Variants in FMO3 observed in about 807,000 individuals in gnomAD.
FMO3 encodes the protein flavin-containing monooxygenase 3.
FMO3 carries 40 observed loss-of-function variants against 39.4 expected under a neutral mutation model. The observed-to-expected ratio is 1.02, with a 90% CI of 0.79 to 1.32. FMO3 has a LOEUF of 1.32. Among genes scored for constraint, FMO3 ranks in the 40% most tolerant of loss-of-function variants. The pLI is 0.00. For missense variants in FMO3, 680 were observed against 651.8 expected, an observed-to-expected ratio of 1.04 and a Z score of -0.47; for synonymous variants, 219 against 228.8, an observed-to-expected ratio of 0.96 and a Z score of 0.39.
At chr1:171,106,013 CTCT>C (rs1304796343) in intron 3 of FMO3, among the ~76,000 whole-genome samples, 2 of 152,000 alleles carry the variant, frequency 1.3e-5, no homozygotes, top group Non-Finnish European at 2.9e-5. Context: ...AACTTTCCAA[CTCT>C]TATTATAAAA....
intron 3 of FMO3, 38 bp from the exon 4 acceptor site, chr1:171,107,627 CCATTTGCTAG>C: frequency 6.5e-7 from 1 of 1,544,464 alleles, no homozygotes; most frequent in Non-Finnish European, 8.9e-7. Flanking sequence ...TCTGCCAAAA[CCATTTGCTAG>C]CATAGAAAAG....
chr1:171,109,006 T>C (rs914329768), intron 5 of FMO3, among the ~76,000 whole-genome samples: 1 of 152,208 alleles, frequency 6.6e-6, no homozygotes, highest in African/African-American at 2.4e-5. Context: ...ATTGTATATT[T>C]TACTATTGTA....
chr1:171,096,025 A>ATATATTAATATATAATATATATT (rs1491256935), intron 2 of FMO3, among the ~76,000 whole-genome samples: 4 of 45,968 alleles, frequency 8.7e-5, no homozygotes, highest in African/African-American at 2.9e-4. Flanking sequence ...ATTATATATT[A>ATATATTAATATATAATATATATT]ATATATAATA....
chr1:171,097,584 G>A (rs1307258533), intron 2 of FMO3, among the ~76,000 whole-genome samples: 2 of 139,858 alleles, frequency 1.4e-5, no homozygotes, highest in Non-Finnish European at 3.0e-5. Context: ...CTGCATAAAT[G>A]TCTTCTTTTG....
chr1:171,091,389 T>G (rs1468938785), intron 1 of FMO3, among the ~76,000 whole-genome samples: 1 of 152,038 alleles, frequency 6.6e-6, no homozygotes, highest in Non-Finnish European at 1.5e-5. Context: ...CGGATCATGA[T>G]GTTTAATCAT....
chr1:171,092,128 C>T (rs561714465), intron 1 of FMO3, among the ~76,000 whole-genome samples: 2 of 152,118 alleles, frequency 1.3e-5, no homozygotes, highest in Non-Finnish European at 2.9e-5. Context: ...TTTTGGAGAG[C>T]TGATGACTAA....
At chr1:171,107,306 A>G (rs1655687218) in intron 3 of FMO3, among the ~76,000 whole-genome samples, 1 of 152,206 alleles carries the variant, frequency 6.6e-6, no homozygotes, top group Non-Finnish European at 1.5e-5. Flanking sequence ...CAGTACATCT[A>G]TCTTTGAGTT....
chr1:171,101,858 G>A, intron 2 of FMO3: 1 of 410,536 alleles, frequency 2.4e-6, no homozygotes, highest in South Asian at 1.8e-5. Context: ...ATGAATTTTT[G>A]CATGAAGTTT....
intron 2 of FMO3, among the ~76,000 whole-genome samples, chr1:171,096,450 TAA>T (rs555338175): frequency 0.011 from 1,071 of 100,084 alleles, 3 homozygotes; most frequent in South Asian, 0.037. Flanking sequence ...TTTTATATAT[TAA>T]ATATATATTA....
At chr1:171,096,289 T>TATG (rs570622020) in intron 2 of FMO3, among the ~76,000 whole-genome samples, 6 of 87,988 alleles carry the variant, frequency 6.8e-5, no homozygotes, top group African/African-American at 2.9e-4. Flanking sequence ...ATATATTATA[T>TATG]ATCTATTATA....
At position 171,093,286 on chromosome 1, in the gene FMO3, C is replaced by G. The variant is rs28745578; in HGVS notation, c.132+496C>G. ...CCTCAACCGCCTCCCACTCTCCTAC[C>G]CTTCCAAGTCTCCAATGTCTATTAT... On this transcript the variant is annotated intron_variant, in intron 2 of 8. Coordinates refer to ENST00000367755, the MANE Select transcript of FMO3 (RefSeq NM_001002294.3). 2.0e-5 allele frequency among the ~76,000 whole-genome samples: 3 copies of G among 152,184 alleles called. No individual in the cohort carries two copies. In the East Asian group the frequency reaches 5.8e-4, roughly 29 times the overall value.
intron 5 of FMO3, 78 bp from the exon 6 acceptor site, chr1:171,110,720 A>C (rs1387764665): frequency 7.6e-7 from 1 of 1,315,608 alleles, no homozygotes; most frequent in Non-Finnish European, 1.1e-6. Context: ...TCCATTCCTC[A>C]AGAGGGATCT....
chr1:171,112,882 A>C (rs1049102263), intron 6 of FMO3, among the ~76,000 whole-genome samples: 1 of 152,210 alleles, frequency 6.6e-6, no homozygotes, highest in Non-Finnish European at 1.5e-5. Context: ...GAAGAGGAGA[A>C]GACATCTGTG....
chr1:171,111,655 G>A (rs139495809), intron 6 of FMO3, among the ~76,000 whole-genome samples: 15 of 151,890 alleles, frequency 9.9e-5, no homozygotes, highest in African/African-American at 2.4e-4. Flanking sequence ...CTCCTATAAC[G>A]TCCTCCAAGC....
At chr1:171,099,453 T>A (rs1655257049) in intron 2 of FMO3, among the ~76,000 whole-genome samples, 1 of 152,204 alleles carries the variant, frequency 6.6e-6, no homozygotes, top group Non-Finnish European at 1.5e-5. Context: ...TAGGGCTTTT[T>A]GGTTGTTGTT....
At chr1:171,101,079 G>A in intron 2 of FMO3, 1 of 456,088 alleles carries the variant, frequency 2.2e-6, no homozygotes, top group Non-Finnish European at 4.4e-6. Context: ...ATGATGGCCA[G>A]AGGAGCCATG....
rs1489360336 is a variant in FMO3, at chr1:171,096,683, AATAT to A, written c.132+3895_132+3898del. Among the ~76,000 whole-genome samples, 11 of 136,804 alleles carry A rather than the reference AATAT, an allele frequency of 8.0e-5. No individual in the cohort carries two copies. The East Asian group carries it at 2.4e-3, about 30-fold the overall frequency. 89.7% of individuals were successfully genotyped at this position (136,804 alleles called of 152,430 possible). On this transcript the variant is annotated intron_variant, in intron 2 of 8. Coordinates refer to ENST00000367755, the MANE Select transcript of FMO3 (RefSeq NM_001002294.3). ...TTTAAAATATATATTTTATATTTAAAATATAATTAATATAATTATATAAAAATTA... is the reference window on the plus strand; with the variant it reads ...TTTAAAATATATATTTTATATTTAAAAATTAATATAATTATATAAAAATTA...
rs369835007 is a variant in FMO3, at chr1:171,111,021, T to C, written c.827+24T>C. 1.0e-4 allele frequency: 162 copies of C among 1,593,328 alleles called. 1 individual carries two copies. The highest frequency in any genetic ancestry group is 1.8e-4 in the South Asian group (16 of 90,580). On this transcript the variant is annotated intron_variant, in intron 6 of 8. Transcript: ENST00000367755. The stretch of plus-strand genomic sequence containing the variant: ...GGGTAATGCAGAGCTAAACGTGATA[T>C]GCCTGCTGGCTTTTAGTTCAGTGTC...
chr1:171,091,500 G>GA (rs1396059264), intron 1 of FMO3, among the ~76,000 whole-genome samples: 1 of 152,072 alleles, frequency 6.6e-6, no homozygotes. Flanking sequence ...GTCAGGAACA[G>GA]AAAAAAGTTA....
Sources: gnomAD v4.1 joint callset for allele counts (sites outside exome capture counted in the v4.1 genomes callset) on GRCh38, gnomAD v4.1.1 for gene constraint, MANE v1.5 for transcripts, NCBI Gene and HGNC (gene_info 2026-07-23, HGNC 2026-07-21) for gene names.